Variants in DST observed in about 807,000 individuals in gnomAD.
The protein encoded by DST is dystonin.
A neutral mutation model predicts 875.2 loss-of-function variants in DST; 253 were observed. The observed-to-expected ratio is 0.29, with a 90% CI of 0.26 to 0.32. The LOEUF (loss-of-function observed/expected upper bound fraction) is 0.32. DST is among the 10% of genes least tolerant of loss of function. The probability of loss-of-function intolerance (pLI) is 1.00; values close to 1 mark genes in which losing one functional copy is unlikely to be tolerated. For synonymous variants in DST, 3,124 were observed against 3,197.1 expected (o/e 0.98, Z 0.77); for missense variants, 8,287 against 9,111.6 (o/e 0.91, Z 3.68).
intron 36 of DST, among the ~76,000 whole-genome samples, chr6:56,623,978 TC>T (rs1476390687): frequency 6.6e-6 from 1 of 151,608 alleles, no homozygotes; most frequent in Non-Finnish European, 1.5e-5. Context: ...ATGTGCTATA[TC>T]TTTTTGCAAA....
In DST at chr6:56,954,732, C is replaced by A; in HGVS notation, c.-145G>T. The A allele has an allele frequency of 3.2e-6, 1 of 311,606 alleles. No homozygotes were observed. Among genetic ancestry groups the A allele is most frequent in the Non-Finnish European group, 4.8e-6 (1 of 207,106 alleles). 19.3% of individuals were successfully genotyped at this position (311,606 alleles called of 1,614,324 possible). A position where few individuals can be genotyped will look rare whatever the true frequency, so the allele number is the denominator to read the frequency against. ...GGCGCTCGCGGCCCCGCGCCCAGCC[C>A]AATGGCTGCGCACCCCGCGCCAGCC... On this transcript the variant is annotated 5_prime_UTR_variant, in exon 1 of 104. Coordinates refer to ENST00000680361, the MANE Select transcript of DST (RefSeq NM_001374736.1).
chr6:56,682,664 G>T (rs2099162495), intron 9 of DST, among the ~76,000 whole-genome samples: 1 of 152,202 alleles, frequency 6.6e-6, no homozygotes, highest in African/African-American at 2.4e-5. Context: ...AACCAAAGAA[G>T]AAGGCTTGAC....
At chr6:56,670,567 G>T in intron 10 of DST, 74 bp downstream of exon 10, 1 of 1,037,904 alleles carries the variant, frequency 9.6e-7, no homozygotes, top group Non-Finnish European at 1.3e-6. Context: ...AATAATAAAA[G>T]ATAATTTTAA....
At chr6:56,699,621 T>C (rs1169235306) in intron 9 of DST, 32 bp downstream of exon 9, 6 of 1,100,310 alleles carry the variant, frequency 5.5e-6, no homozygotes, top group Non-Finnish European at 7.9e-6. Flanking sequence ...AACTAGCAAT[T>C]AGATGCTGAA....
At chr6:56,620,760 T>C in intron 36 of DST, 1 of 1,539,900 alleles carries the variant, frequency 6.5e-7, no homozygotes, top group Non-Finnish European at 9.0e-7. Flanking sequence ...CTGTTCAAAA[T>C]ATCTTACAAC....
chr6:56,595,214 T>C (rs2098351302), intron 47 of DST, among the ~76,000 whole-genome samples: 1 of 151,144 alleles, frequency 6.6e-6, no homozygotes, highest in South Asian at 2.1e-4. Flanking sequence ...GCTCCCACCC[T>C]TACCTCCATC....
chr6:56,832,555 C>G (rs2099788405), intron 4 of DST, among the ~76,000 whole-genome samples: 1 of 151,164 alleles, frequency 6.6e-6, no homozygotes, highest in South Asian at 2.1e-4. Context: ...TGCCCAGTCT[C>G]TGGTATGTCT....
chr6:56,839,441 A>G (rs1372277250), intron 4 of DST, among the ~76,000 whole-genome samples: 1 of 152,236 alleles, frequency 6.6e-6, no homozygotes, highest in Non-Finnish European at 1.5e-5. Flanking sequence ...TTATACTATT[A>G]TGACTAGCTA....
Position 56,608,350 on chromosome 6 carries a change from G to A in DST, c.6278C>T (p.Thr2093Ile), listed in dbSNP as rs2098515972. ...CAGGATTTTGTAGGCCAATTCATTT[G>A]TAATCAATTCTTGCTGCAAGGAAGA... ...TSSSLQQELITNELAYKILNG... is the reference protein window; with the variant it reads ...TSSSLQQELIINELAYKILNG... The change falls in exon 40 of 104, where the codon ACA becomes ATA. Residue 2093 changes from threonine (T) to isoleucine (I), a missense_variant. Thr to Ile is a moderately conservative substitution (Grantham distance 89). Transcript: ENST00000680361. 1 of 1,612,434 alleles carries A rather than the reference G, an allele frequency of 6.2e-7. No homozygotes were observed. Among genetic ancestry groups the A allele is most frequent in the Admixed American group, 1.7e-5 (1 of 59,950 alleles).
At chr6:56,475,987 T>C (rs917153467) in intron 92 of DST, among the ~76,000 whole-genome samples, 162 bp downstream of exon 92, 6 of 151,688 alleles carry the variant, frequency 4.0e-5, no homozygotes, top group Non-Finnish European at 7.4e-5. Context: ...TAAAGAGAGG[T>C]TTTAGGGCAG....
At chr6:56,831,299 G>T (rs550819490) in intron 4 of DST, among the ~76,000 whole-genome samples, 4 of 152,028 alleles carry the variant, frequency 2.6e-5, no homozygotes, top group Admixed American at 2.6e-4. Context: ...ACTCAACACC[G>T]GTTATGTATA....
intron 3 of DST, among the ~76,000 whole-genome samples, chr6:56,872,732 G>T (rs1371335021): frequency 2.0e-5 from 3 of 151,614 alleles, no homozygotes; most frequent in Admixed American, 6.6e-5. Context: ...TTTGAGTGGG[G>T]GTGTATAGGT....
At position 56,608,428 on chromosome 6, in the gene DST, C is replaced by T. The variant is rs773685576; in HGVS notation, c.6200G>A (p.Arg2067Gln). ...GGGCCAAATGAGTCCAACATAGCCT[C>T]GCTGAGCTTCCAGGACCAGAAGAGC... is the stretch of plus-strand genomic sequence containing the variant. ...SSALLVLEAQ[R>Q]GYVGLIWPHS... The change falls in exon 40 of 104, where the codon CGA becomes CAA. Residue 2067 changes from arginine (R) to glutamine (Q), a missense_variant. Physicochemically the swap from Arg to Gln is conservative, Grantham distance 43. Around this residue, in one of 10 missense-constraint regions of DST, gnomAD observed 3,138 missense variants for 3,116.6 expected, o/e 1.01. Coordinates refer to ENST00000680361, the MANE Select transcript of DST (RefSeq NM_001374736.1). 5.0e-6 allele frequency: 8 copies of T among 1,613,742 alleles called. No individual in the cohort carries two copies. Among genetic ancestry groups the T allele is most frequent in the Middle Eastern group, 1.6e-4 (1 of 6,062 alleles).
chr6:56,860,786 T>C (rs537547461), intron 3 of DST, among the ~76,000 whole-genome samples: 1 of 152,340 alleles, frequency 6.6e-6, no homozygotes, highest in Non-Finnish European at 1.5e-5. Context: ...CTAGAAGTTA[T>C]TGCAACTGTG....
At chr6:56,875,548 G>A (rs1779277536) in intron 3 of DST, among the ~76,000 whole-genome samples, 1 of 152,156 alleles carries the variant, frequency 6.6e-6, no homozygotes, top group South Asian at 2.1e-4. Context: ...TTAAAGTTAA[G>A]TTCCAAGCTT....
intron 9 of DST, among the ~76,000 whole-genome samples, chr6:56,672,051 A>G (rs775598699): frequency 1.3e-5 from 2 of 152,218 alleles, no homozygotes; most frequent in Non-Finnish European, 2.9e-5. Flanking sequence ...GGCAGAGTCA[A>G]GCAACTGAAA....
chr6:56,898,112 G>T (rs1477385460), intron 3 of DST, among the ~76,000 whole-genome samples: 2 of 152,188 alleles, frequency 1.3e-5, no homozygotes, highest in Admixed American at 1.3e-4. Context: ...CACAGAGCAG[G>T]ATTTGAACCC....
At chr6:56,563,040 G>T (rs528457875) in intron 55 of DST, among the ~76,000 whole-genome samples, 1 of 152,040 alleles carries the variant, frequency 6.6e-6, no homozygotes, top group Admixed American at 6.6e-5. Flanking sequence ...ATAGTGCTGC[G>T]ATAAACATAG....
intron 4 of DST, among the ~76,000 whole-genome samples, chr6:56,820,862 G>A (rs939054078): frequency 2.6e-5 from 4 of 151,514 alleles, no homozygotes; most frequent in African/African-American, 9.7e-5. Context: ...CTCCCTATAC[G>A]TTGCTGTGTA....
Sources: gnomAD v4.1 joint callset for allele counts (sites outside exome capture counted in the v4.1 genomes callset) on GRCh38, gnomAD v4.1.1 for gene constraint, gnomAD v4.1.1 regional missense constraint, MANE v1.5 for transcripts, NCBI Gene and HGNC (gene_info 2026-07-23, HGNC 2026-07-21) for gene names.